The following CENPF variants were observed in gnomAD, a reference collection of about 807,000 sequenced individuals.
CENPF encodes the protein centromere protein F.
A neutral mutation model predicts 307.3 loss-of-function variants in CENPF; 214 were observed. The ratio of observed to expected loss-of-function variants is 0.70; its 90% CI spans 0.62 to 0.78. The LOEUF is 0.78. Ranked by LOEUF, CENPF falls within the 30% of genes least tolerant of loss-of-function variation. The pLI, the probability that CENPF is intolerant of heterozygous loss-of-function variation, is 0.00. For missense variants in CENPF, 3,401 were observed against 3,483.9 expected, an observed-to-expected ratio of 0.98 and a Z score of 0.60; for synonymous variants, 1,259 against 1,270.6, an observed-to-expected ratio of 0.99 and a Z score of 0.19.
intron 17 of CENPF, 123 bp downstream of exon 17, chr1:214,655,526 A>C (rs1658608676): frequency 1.3e-6 from 1 of 787,338 alleles, no homozygotes. Context: ...CTGATTTTTT[A>C]CCATTAATCC....
rs1658150125 is a variant in CENPF at position 214,642,431 on chromosome 1, C to T, written c.4093C>T (p.Pro1365Ser). Residue 1365 changes from proline to serine, a missense_variant, in exon 12 of 20, where the codon CCA (proline) becomes TCA (serine). By Grantham distance (74) the Pro-to-Ser change is moderately conservative (BLOSUM62 -1). Transcript: ENST00000366955. ...CCATGGTGAGTTAGTGGAAGACATACCAGGAGGTGAATTTGGTGAACAACC... is the reference window on the plus strand; with the variant it reads ...CCATGGTGAGTTAGTGGAAGACATATCAGGAGGTGAATTTGGTGAACAACC... ...LLHGELVEDI[P>S]GGEFGEQPNE... The T allele has an allele frequency of 6.3e-7, 1 of 1,596,022 alleles. No individual in the cohort carries two copies. The highest frequency in any genetic ancestry group is 2.2e-5 in the East Asian group (1 of 44,742).
Position 214,640,351 on chromosome 1 carries a change from C to T in CENPF, c.2013C>T (p.Asp671=), listed in dbSNP as rs755774261. Residue 671 remains aspartate (D), a synonymous_variant, in exon 12 of 20, where the codon GAC becomes GAT. Transcript: ENST00000366955. ...AGAGAGTAAGAACGCTGGAGATGGA[C>T]AGAGAAAACCTAAGTGTCGAGATCA... ...YNERVRTLEM[D]RENLSVEIRN... is the part of the protein sequence containing the mutation. 6.2e-7 allele frequency: 1 copy of T among 1,613,842 alleles called. No homozygotes were observed. The highest frequency in any genetic ancestry group is 1.1e-5 in the South Asian group (1 of 91,066).
intron 7 of CENPF, among the ~76,000 whole-genome samples, chr1:214,627,367 C>CT (rs1254804818): frequency 4.5e-5 from 4 of 88,326 alleles, no homozygotes; most frequent in Admixed American, 2.4e-4. Flanking sequence ...CCCCCTCAGG[C>CT]TCTTTTTTTT....
intron 19 of CENPF, among the ~76,000 whole-genome samples, chr1:214,660,164 A>C (rs184877749): frequency 6.6e-6 from 1 of 152,348 alleles, no homozygotes; most frequent in East Asian, 1.9e-4. Flanking sequence ...CTTTTTGTTG[A>C]TGTATAAGAG....
intron 1 of CENPF, among the ~76,000 whole-genome samples, chr1:214,611,205 A>T (rs903762401): frequency 6.6e-6 from 1 of 152,082 alleles, no homozygotes; most frequent in African/African-American, 2.4e-5. Flanking sequence ...AGTTTTTTCT[A>T]GTTCTGTGAA....
At chr1:214,610,522 C>A (rs1164325430) in intron 1 of CENPF, among the ~76,000 whole-genome samples, 2 of 147,556 alleles carry the variant, frequency 1.4e-5, no homozygotes, top group East Asian at 4.0e-4. Context: ...CCTTTGCCTA[C>A]TTTTTAATGG....
Position 214,645,775 on chromosome 1 carries a change from G to A in CENPF, c.6205G>A (p.Val2069Ile). Residue 2069 changes from valine to isoleucine, a missense_variant, in exon 13 of 20, where the codon GTC (valine) becomes ATC (isoleucine). By Grantham distance (29) the Val-to-Ile change is conservative. Coordinates refer to ENST00000366955, the MANE Select transcript of CENPF (RefSeq NM_016343.4). The part of the protein sequence containing the change: ...AQLNKEKELL[V>I]KESESLQARL... ...ACTGAATAAAGAGAAAGAATTGCTT[G>A]TCAAGGAATCTGAAAGCCTGCAGGC... The A allele has an allele frequency of 6.2e-7, 1 of 1,614,194 alleles. No homozygotes were observed. The highest frequency in any genetic ancestry group is 8.5e-7 in the Non-Finnish European group (1 of 1,180,030).
intron 10 of CENPF, among the ~76,000 whole-genome samples, chr1:214,637,153 GAATT>G (rs1657985273): frequency 3.3e-5 from 5 of 152,172 alleles, no homozygotes. Flanking sequence ...TCAGAAGCTA[GAATT>G]AATTCTTCCT....
rs1242430774 is a variant in CENPF, at chr1:214,657,083, A to G, written c.8636A>G (p.Glu2879Gly). ...CATGAAAAGTTAGAGAAAGCTAAAG[A>G]GATGTTAGAGACACAAGTGGCCCAT... ...ISHEKLEKAKEMLETQVAHLC... is the reference protein window; with the variant it reads ...ISHEKLEKAKGMLETQVAHLC... The change falls in exon 18 of 20, where the codon GAG becomes GGG. Residue 2879 changes from glutamate to glycine, a missense_variant. Coordinates refer to ENST00000366955, the MANE Select transcript of CENPF (RefSeq NM_016343.4). 6.2e-7 allele frequency: 1 copy of G among 1,614,198 alleles called. No individual in the cohort carries two copies. Among genetic ancestry groups the G allele is most frequent in the Non-Finnish European group, 8.5e-7 (1 of 1,180,020 alleles).
At chr1:214,628,272 G>T (rs577287440) in intron 7 of CENPF, among the ~76,000 whole-genome samples, 1 of 152,258 alleles carries the variant, frequency 6.6e-6, no homozygotes, top group South Asian at 2.1e-4. Flanking sequence ...TCTGTGTTTA[G>T]TAGAAAAGGA....
At chr1:214,628,517 C>G (rs373939942) in intron 7 of CENPF, among the ~76,000 whole-genome samples, 1 of 152,166 alleles carries the variant, frequency 6.6e-6, no homozygotes, top group Admixed American at 6.5e-5. Context: ...GATCTTGGCT[C>G]ACTGCAACCC....
In CENPF at chr1:214,618,644, C is replaced by T. The variant is rs1558171889; in HGVS notation, c.431C>T (p.Thr144Ile). 1 of 1,613,998 alleles carries T rather than the reference C, an allele frequency of 6.2e-7. No homozygotes were observed. The highest frequency in any genetic ancestry group is 2.2e-5 in the East Asian group (1 of 44,868). The change falls in exon 4 of 20, where the codon ACA (threonine) becomes ATA (isoleucine). Residue 144 changes from threonine to isoleucine, a missense_variant. Coordinates refer to ENST00000366955, the MANE Select transcript of CENPF (RefSeq NM_016343.4). ...GATGTCTCTCTGAATCCATGCAATACACCACAAAAAATTTTTACAACTCCA... is the reference window on the plus strand; with the variant it reads ...GATGTCTCTCTGAATCCATGCAATATACCACAAAAAATTTTTACAACTCCA... ...SADVSLNPCNTPQKIFTTPLT... is the reference protein window; with the variant it reads ...SADVSLNPCNIPQKIFTTPLT...
At chr1:214,625,330 T>G (rs1657623649) in intron 7 of CENPF, among the ~76,000 whole-genome samples, 1 of 152,114 alleles carries the variant, frequency 6.6e-6, no homozygotes, top group Non-Finnish European at 1.5e-5. Flanking sequence ...TTCTCCTGCC[T>G]CATCCTCCTG....
intron 15 of CENPF, 60 bp downstream of exon 15, chr1:214,651,946 CTTTTT>C: frequency 8.6e-7 from 1 of 1,167,456 alleles, no homozygotes; most frequent in Non-Finnish European, 1.1e-6. Context: ...CATGGTAAGG[CTTTTT>C]TTTTTTTCCA....
Position 214,645,806 on chromosome 1 carries a change from T to C in CENPF, c.6236T>C (p.Leu2079Pro). 1 of 1,614,174 alleles carries C rather than the reference T, an allele frequency of 6.2e-7. No homozygotes were observed. The highest frequency in any genetic ancestry group is 1.3e-5 in the African/African-American group (1 of 75,046). ...VKESESLQAR[L>P]SESDYEKLNV... ...GAATCTGAAAGCCTGCAGGCCAGAC[T>C]GAGTGAATCAGATTATGAAAAGCTG... Residue 2079 changes from leucine (L) to proline (P), a missense_variant, in exon 13 of 20, where the codon CTG becomes CCG. Physicochemically the swap from Leu to Pro is moderately conservative, Grantham distance 98 (BLOSUM62 -3). Coordinates refer to ENST00000366955, the MANE Select transcript of CENPF (RefSeq NM_016343.4).
Position 214,642,413 on chromosome 1 carries a change from G to C in CENPF, c.4075G>C (p.Glu1359Gln). The C allele has an allele frequency of 1.9e-6, 3 of 1,600,772 alleles. No individual in the cohort carries two copies. In the South Asian group the frequency reaches 3.4e-5, roughly 18 times the overall value. Residue 1359 changes from glutamate (E) to glutamine (Q), a missense_variant, in exon 12 of 20, where the codon GAG becomes CAG. Coordinates refer to ENST00000366955, the MANE Select transcript of CENPF (RefSeq NM_016343.4). ...TGATGACAGTGGTCTTCTCCATGGTGAGTTAGTGGAAGACATACCAGGAGG... is the reference window on the plus strand; with the variant it reads ...TGATGACAGTGGTCTTCTCCATGGTCAGTTAGTGGAAGACATACCAGGAGG... ...LNDDSGLLHG[E>Q]LVEDIPGGEF...
At position 214,642,167 on chromosome 1, in the gene CENPF, C is replaced by G. The variant is rs1279820294; in HGVS notation, c.3829C>G (p.His1277Asp). The stretch of plus-strand genomic sequence containing the variant: ...GGAAGAAAAGTATATTTCAGGGCCT[C>G]ATGAGTTGTCAACAAGTCAAAACGA... Reference protein sequence around the residue: ...DAEEKYISGPHELSTSQNDNA... With the variant: ...DAEEKYISGPDELSTSQNDNA... Residue 1277 changes from histidine to aspartate, a missense_variant, in exon 12 of 20, where the codon CAT becomes GAT. Coordinates refer to ENST00000366955, the MANE Select transcript of CENPF (RefSeq NM_016343.4). 6.2e-7 allele frequency: 1 copy of G among 1,613,996 alleles called. No homozygotes were observed. Among genetic ancestry groups the G allele is most frequent in the Non-Finnish European group, 8.5e-7 (1 of 1,180,018 alleles).
Position 214,629,276 on chromosome 1 carries a change from C to G in CENPF, c.1194+105C>G, listed in dbSNP as rs1657740996. On this transcript the variant is annotated intron_variant, in intron 8 of 19. Coordinates refer to ENST00000366955, the MANE Select transcript of CENPF (RefSeq NM_016343.4). ...AGTTGTTATCACAATTTGGGAAATTCTCTTAGAGGAGAAATGCTTTGTGAG... is the reference window on the plus strand; with the variant it reads ...AGTTGTTATCACAATTTGGGAAATTGTCTTAGAGGAGAAATGCTTTGTGAG... 7 of 1,111,870 alleles carry G rather than the reference C, an allele frequency of 6.3e-6. No homozygotes were observed. The East Asian group carries it at 1.9e-4, about 30-fold the overall frequency. 68.9% of individuals were successfully genotyped at this position (1,111,870 alleles called of 1,614,324 possible). A position where few individuals can be genotyped will look rare whatever the true frequency, so the allele number is the denominator to read the frequency against.
chr1:214,648,655 A>G lies in CENPF; in HGVS notation c.7831-20A>G, dbSNP rs1233850498. 5 of 1,610,834 alleles carry G rather than the reference A, an allele frequency of 3.1e-6. No individual in the cohort carries two copies. The highest frequency in any genetic ancestry group is 3.4e-6 in the Non-Finnish European group (4 of 1,178,926). On this transcript the variant is annotated intron_variant, in intron 13 of 19. Coordinates refer to ENST00000366955, the MANE Select transcript of CENPF (RefSeq NM_016343.4). ...AACAGACCACCAAAAAGCAGATTCT[A>G]ATGAAAGATGAAATTTCAGGTAAAC...
Sources: allele counts gnomAD v4.1 joint callset (sites outside exome capture counted in the v4.1 genomes callset), GRCh38; gene constraint gnomAD v4.1.1; transcripts MANE v1.5; gene names NCBI Gene and HGNC (gene_info 2026-07-23, HGNC 2026-07-21).